The following RPRD1B variants were observed in gnomAD, a reference collection of about 807,000 sequenced individuals.
RPRD1B encodes the protein regulation of nuclear pre-mRNA domain-containing protein 1B.
Under a neutral mutation model 41.5 loss-of-function variants are expected in RPRD1B, and 11 were observed. The observed-to-expected ratio is 0.27, with a 90% CI of 0.17 to 0.44. RPRD1B has a LOEUF of 0.44. Ranked by LOEUF, RPRD1B falls within the 20% of genes least tolerant of loss-of-function variation. The probability of loss-of-function intolerance (pLI) is 1.00; values close to 1 mark genes in which losing one functional copy is unlikely to be tolerated. For missense variants in RPRD1B, 248 were observed against 389.9 expected (o/e 0.64, Z 3.06); for synonymous variants, 158 against 155.6 (o/e 1.02, Z -0.12).
At chr20:38,086,691 C>T (rs1386842053) in intron 6 of RPRD1B, among the ~76,000 whole-genome samples, 1 of 152,222 alleles carries the variant, frequency 6.6e-6, no homozygotes, top group Non-Finnish European at 1.5e-5. Flanking sequence ...CTCTTTCTTT[C>T]TCTAGTGATT....
At chr20:38,039,834 A>G (rs2074046546) in intron 1 of RPRD1B, among the ~76,000 whole-genome samples, 1 of 151,636 alleles carries the variant, frequency 6.6e-6, no homozygotes. Flanking sequence ...CCTGGGTTCA[A>G]GCGATTCTCC....
At chr20:38,075,389 T>C (rs2074449366) in intron 6 of RPRD1B, among the ~76,000 whole-genome samples, 1 of 152,246 alleles carries the variant, frequency 6.6e-6, no homozygotes, top group Admixed American at 6.5e-5. Context: ...TTTTAAATGA[T>C]CTTGTTTACA....
At chr20:38,074,644 A>G (rs1259845795) in intron 6 of RPRD1B, among the ~76,000 whole-genome samples, 1 of 152,182 alleles carries the variant, frequency 6.6e-6, no homozygotes, top group Admixed American at 6.5e-5. Context: ...AATTTTTCAT[A>G]TTTATGGAAT....
chr20:38,048,667 C>T, intron 3 of RPRD1B, 186 bp downstream of exon 3: 1 of 857,806 alleles, frequency 1.2e-6, no homozygotes, highest in African/African-American at 1.8e-5. Flanking sequence ...TTCTAGTATT[C>T]ATGCTATTCA....
At chr20:38,068,292 G>T (rs2122741068) in intron 6 of RPRD1B, among the ~76,000 whole-genome samples, 1 of 152,314 alleles carries the variant, frequency 6.6e-6, no homozygotes, top group South Asian at 2.1e-4. Context: ...TGAACTGAAG[G>T]TTCTTATCTC....
At position 38,066,949 on chromosome 20, in the gene RPRD1B, C is replaced by A. The variant is rs150735712; in HGVS notation, c.831+693C>A. ...GGATTACAGGTGTGAGCCACCGCGC[C>A]CAGCCGTTTGGAGGTTTATTTCTGA... On this transcript the variant is annotated intron_variant, in intron 6 of 6. Transcript: ENST00000373433. Among the ~76,000 whole-genome samples the A allele has an allele frequency of 3.7e-4, 57 of 152,306 alleles. 1 individual carries two copies. Among genetic ancestry groups the A allele is most frequent in the African/African-American group, 1.3e-3 (54 of 41,566 alleles).
chr20:38,043,393 C>A (rs1434065549), intron 2 of RPRD1B, among the ~76,000 whole-genome samples: 1 of 152,128 alleles, frequency 6.6e-6, no homozygotes, highest in African/African-American at 2.4e-5. Context: ...GTCACATACA[C>A]CCTGTAAGTC....
chr20:38,061,571 A>C (rs1171051287), intron 5 of RPRD1B, among the ~76,000 whole-genome samples: 1 of 152,218 alleles, frequency 6.6e-6, no homozygotes, highest in Admixed American at 6.5e-5. Flanking sequence ...TAGCATAAAA[A>C]CATGAATTTT....
At chr20:38,064,116 G>A (rs1455866571) in intron 5 of RPRD1B, among the ~76,000 whole-genome samples, 1 of 152,172 alleles carries the variant, frequency 6.6e-6, no homozygotes, top group Non-Finnish European at 1.5e-5. Flanking sequence ...CATGGACTGA[G>A]CCACTGAGCA....
At chr20:38,065,657 A>C (rs1479574250) in intron 5 of RPRD1B, among the ~76,000 whole-genome samples, 1 of 152,100 alleles carries the variant, frequency 6.6e-6, no homozygotes, top group Non-Finnish European at 1.5e-5. Flanking sequence ...AGTATTTTCC[A>C]TTCATGGTTG....
intron 6 of RPRD1B, among the ~76,000 whole-genome samples, chr20:38,075,097 A>G (rs2074446503): frequency 1.3e-5 from 2 of 152,078 alleles, no homozygotes; most frequent in African/African-American, 2.4e-5. Context: ...CAGTGTTTGG[A>G]TTATTTTCTT....
intron 6 of RPRD1B, among the ~76,000 whole-genome samples, chr20:38,086,232 C>CTTAG (rs1226913812): frequency 6.6e-6 from 1 of 152,178 alleles, no homozygotes; most frequent in Admixed American, 6.5e-5. Flanking sequence ...ACAGTAGTTA[C>CTTAG]TACTTGAGTC....
chr20:38,044,849 T>C (rs575002410), intron 2 of RPRD1B, among the ~76,000 whole-genome samples: 38 of 152,272 alleles, frequency 2.5e-4, no homozygotes, highest in African/African-American at 9.1e-4. Context: ...TTACATGAGG[T>C]ACTGTTGGAA....
At chr20:38,072,002 A>C (rs1419905040) in intron 6 of RPRD1B, among the ~76,000 whole-genome samples, 2 of 152,128 alleles carry the variant, frequency 1.3e-5, no homozygotes, top group Admixed American at 6.5e-5. Context: ...TTTGATGTGC[A>C]AAAGTTTTTT....
intron 4 of RPRD1B, among the ~76,000 whole-genome samples, chr20:38,058,603 CT>C (rs1446929580): frequency 6.6e-6 from 1 of 152,086 alleles, no homozygotes; most frequent in Non-Finnish European, 1.5e-5. Context: ...TTTTTTCCCC[CT>C]GGGTTTATAA....
At position 38,079,130 on chromosome 20, in the gene RPRD1B, A is replaced by G. The variant is rs547024008; in HGVS notation, c.832-10596A>G. On this transcript the variant is annotated intron_variant, in intron 6 of 6. Transcript: ENST00000373433. ...TTTAGCAAGTGCCTGTTCTCACCCA[A>G]GCTTCCCCCGTGCCATAGGCGTTGT... 6.7e-4 allele frequency among the ~76,000 whole-genome samples: 102 copies of G among 152,238 alleles called. No individual in the cohort carries two copies. The South Asian group carries it at 0.021, about 31-fold the overall frequency.
chr20:38,045,999 C>T (rs745666859), intron 2 of RPRD1B, among the ~76,000 whole-genome samples: 9 of 152,228 alleles, frequency 5.9e-5, no homozygotes, highest in Non-Finnish European at 1.2e-4. Flanking sequence ...CTGCAGTTTC[C>T]GCACATTCCC....
At position 38,033,864 on chromosome 20, in the gene RPRD1B, G is replaced by A; in HGVS notation, c.-84G>A. 1 of 1,379,230 alleles carries A rather than the reference G, an allele frequency of 7.3e-7. No homozygotes were observed. Among genetic ancestry groups the A allele is most frequent in the Non-Finnish European group, 9.8e-7 (1 of 1,022,690 alleles). 85.4% of individuals were successfully genotyped at this position (1,379,230 alleles called of 1,614,324 possible). On this transcript the variant is annotated 5_prime_UTR_variant, in exon 1 of 7. It adds an upstream start codon to the 5' untranslated region. Transcript: ENST00000373433. Reference sequence around the variant, plus strand: ...GGTAAAAAGTCCCGCAGCCTGTCAGGTGAGGCCCCGGCCTCGTGCCGTCGC... The same window carrying A: ...GGTAAAAAGTCCCGCAGCCTGTCAGATGAGGCCCCGGCCTCGTGCCGTCGC...
intron 6 of RPRD1B, among the ~76,000 whole-genome samples, chr20:38,086,042 C>T (rs924357086): frequency 6.6e-6 from 1 of 151,928 alleles, no homozygotes; most frequent in East Asian, 1.9e-4. Flanking sequence ...TTGCCATGTT[C>T]GGGCACAAGT....
Sources: allele counts gnomAD v4.1 joint callset (sites outside exome capture counted in the v4.1 genomes callset), GRCh38; gene constraint gnomAD v4.1.1; transcripts MANE v1.5; gene names NCBI Gene and HGNC (gene_info 2026-07-23, HGNC 2026-07-21).